Variants in ATP6V0A2 observed in about 807,000 individuals in gnomAD.
ATP6V0A2 encodes the protein ATPase H+ transporting V0 subunit a2, also known as V-type proton ATPase 116 kDa subunit a 2.
ATP6V0A2 carries 58 observed loss-of-function variants against 104.4 expected under a neutral mutation model. The observed-to-expected ratio is 0.56, with a 90% CI of 0.45 to 0.69. The LOEUF (loss-of-function observed/expected upper bound fraction) is 0.69, where lower values mean the gene tolerates loss of function less well. ATP6V0A2 is among the 30% of genes least tolerant of loss of function. ATP6V0A2 has a pLI of 0.00. For synonymous variants in ATP6V0A2, 376 were observed against 397.9 expected, an observed-to-expected ratio of 0.95 and a Z score of 0.65; for missense variants, 938 against 1,062.9, an observed-to-expected ratio of 0.88 and a Z score of 1.63.
At chr12:123,751,013 A>T in intron 15 of ATP6V0A2, 97 bp from the exon 16 acceptor site, 1 of 1,524,606 alleles carries the variant, frequency 6.6e-7, no homozygotes, top group Non-Finnish European at 9.1e-7. Flanking sequence ...CCTCGCGTGG[A>T]GACATTGTTC....
At chr12:123,720,993 G>C (rs539170900) in intron 2 of ATP6V0A2, among the ~76,000 whole-genome samples, 9 of 151,734 alleles carry the variant, frequency 5.9e-5, no homozygotes, top group South Asian at 4.2e-4. Flanking sequence ...TTTTCTTTTT[G>C]TTTTTCCTCC....
chr12:123,757,057 C>A, intron 19 of ATP6V0A2, 71 bp downstream of exon 19: 1 of 1,502,714 alleles, frequency 6.7e-7, no homozygotes, highest in Non-Finnish European at 9.2e-7. Context: ...CCCGCCCAAC[C>A]AAATATACAC....
intron 13 of ATP6V0A2, among the ~76,000 whole-genome samples, chr12:123,746,812 T>G (rs1224117806): frequency 2.0e-5 from 3 of 151,760 alleles, no homozygotes; most frequent in Admixed American, 2.0e-4. Context: ...CCAGGCATGC[T>G]GGTCCAGCTA....
At chr12:123,748,175 A>T (rs1023826139) in intron 14 of ATP6V0A2, among the ~76,000 whole-genome samples, 1 of 152,240 alleles carries the variant, frequency 6.6e-6, no homozygotes, top group Admixed American at 6.5e-5. Context: ...AGACCTGTTC[A>T]TTCTGATCTC....
At chr12:123,741,515 A>G (rs1053496821) in intron 9 of ATP6V0A2, among the ~76,000 whole-genome samples, 2 of 152,204 alleles carry the variant, frequency 1.3e-5, no homozygotes, top group Non-Finnish European at 2.9e-5. Flanking sequence ...AGCTCACTGC[A>G]ATCTCAAACT....
At position 123,747,735 on chromosome 12, in the gene ATP6V0A2, GA is replaced by G; in HGVS notation, c.1724+11del. 6.5e-7 allele frequency: 1 copy of G among 1,542,982 alleles called. No individual in the cohort carries two copies. Among genetic ancestry groups the G allele is most frequent in the Non-Finnish European group, 9.0e-7 (1 of 1,116,172 alleles). ...GAATATTTAACCACTTGTAAGTACAGATTTTTTTTTAAGCAATATTTATAAA... is the reference window on the plus strand; with the variant it reads ...GAATATTTAACCACTTGTAAGTACAGTTTTTTTTTAAGCAATATTTATAAA... On this transcript the variant is annotated intron_variant, in intron 14 of 19. Transcript: ENST00000330342.
chr12:123,727,377 C>G (rs1956458217), intron 5 of ATP6V0A2, among the ~76,000 whole-genome samples: 2 of 151,678 alleles, frequency 1.3e-5, no homozygotes, highest in Admixed American at 1.3e-4. Flanking sequence ...CTCCCAGGTT[C>G]AAGCGATTCT....
At chr12:123,752,465 C>T in intron 17 of ATP6V0A2, 63 bp downstream of exon 17, 2 of 1,584,542 alleles carry the variant, frequency 1.3e-6, no homozygotes, top group Non-Finnish European at 1.7e-6. Context: ...TAGAGATAAT[C>T]ATGTTAAGAT....
At position 123,758,238 on chromosome 12, in the gene ATP6V0A2, G is replaced by T. The variant is rs1418530534; in HGVS notation, c.*206G>T. The T allele has an allele frequency of 1.5e-5, 7 of 453,408 alleles. No individual in the cohort carries two copies. The highest frequency in any genetic ancestry group is 5.8e-4 in the Middle Eastern group (1 of 1,738). 28.1% of individuals were successfully genotyped at this position (453,408 alleles called of 1,614,324 possible). ...ATTTGAGATATAAAAATTTCTTTTG[G>T]TTTTTTATGATGAGCAAATATAAGT... is the stretch of plus-strand genomic sequence containing the variant. On this transcript the variant is annotated 3_prime_UTR_variant, in exon 20 of 20. Coordinates refer to ENST00000330342, the MANE Select transcript of ATP6V0A2 (RefSeq NM_012463.4).
chr12:123,723,246 C>T (rs1056626854), intron 3 of ATP6V0A2: 12 of 152,002 alleles, frequency 7.9e-5, no homozygotes, highest in African/African-American at 2.7e-4. Context: ...TTCGATGGGT[C>T]GCTTGTGATG....
At chr12:123,727,954 G>A (rs1198283045) in intron 6 of ATP6V0A2, 45 bp downstream of exon 6, 4 of 1,613,408 alleles carry the variant, frequency 2.5e-6, no homozygotes, top group Non-Finnish European at 3.4e-6. Flanking sequence ...CGGACTAACA[G>A]CAGAGTTGGA....
chr12:123,748,085 AC>A (rs1358221897), intron 14 of ATP6V0A2, among the ~76,000 whole-genome samples: 1 of 152,162 alleles, frequency 6.6e-6, no homozygotes, highest in Non-Finnish European at 1.5e-5. Flanking sequence ...TTTTTATTTT[AC>A]AAATAAAAAA....
chr12:123,730,881 A>G (rs1330722673), intron 6 of ATP6V0A2: 3 of 152,174 alleles, frequency 2.0e-5, no homozygotes, highest in South Asian at 2.1e-4. Flanking sequence ...TAATTTTTGT[A>G]TTTTTAATGG....
rs745384450 is a variant in ATP6V0A2, at chr12:123,756,850, G to T, written c.2329G>T (p.Val777Leu). 6.2e-7 allele frequency: 1 copy of T among 1,614,136 alleles called. No homozygotes were observed. Among genetic ancestry groups the T allele is most frequent in the South Asian group, 1.1e-5 (1 of 91,072 alleles). Residue 777 changes from valine (V) to leucine (L), a missense_variant, in exon 19 of 20, where the codon GTG becomes TTG. Val to Leu is a conservative substitution (Grantham distance 32). Transcript: ENST00000330342. ...SDVLWAMLMR[V>L]GLRVDTTYGV... ...TGTCCTGTGGGCCATGCTGATGCGC[G>T]TGGGCCTCCGCGTTGACACCACCTA...
intron 5 of ATP6V0A2, 23 bp from the exon 6 acceptor site, chr12:123,727,749 CAGTTGACTACA>C (rs1956461821): frequency 3.1e-6 from 5 of 1,613,202 alleles, no homozygotes; most frequent in Non-Finnish European, 4.2e-6. Context: ...TTATTGCTTT[CAGTTGACTACA>C]GGTTGACTTT....
At chr12:123,737,518 G>A (rs1390162214) in intron 9 of ATP6V0A2, 3 of 472,746 alleles carry the variant, frequency 6.3e-6, no homozygotes, top group Admixed American at 6.3e-5. Flanking sequence ...CAAAGTGCTG[G>A]GATTACAGGT....
chr12:123,733,509 A>G, intron 6 of ATP6V0A2: 1 of 219,996 alleles, frequency 4.5e-6, no homozygotes, highest in Non-Finnish European at 9.1e-6. Context: ...TCTTGTGCTC[A>G]GGACACCAGA....
chr12:123,747,169 T>A (rs544683376), intron 13 of ATP6V0A2, among the ~76,000 whole-genome samples: 1 of 152,156 alleles, frequency 6.6e-6, no homozygotes, highest in African/African-American at 2.4e-5. Context: ...AGCTAAACTT[T>A]ATGACAAAAT....
chr12:123,730,056 T>TC (rs140283550), intron 6 of ATP6V0A2, among the ~76,000 whole-genome samples: 32 of 18,312 alleles, frequency 1.7e-3, no homozygotes, highest in East Asian at 0.013. Context: ...TTTTTTTTTT[T>TC]TTTTTTTTTT....
Sources: gnomAD v4.1 joint callset for allele counts (sites outside exome capture counted in the v4.1 genomes callset) on GRCh38, gnomAD v4.1.1 for gene constraint, MANE v1.5 for transcripts, NCBI Gene and HGNC (gene_info 2026-07-23, HGNC 2026-07-21) for gene names.